ZNF443: variants seen among roughly 807,000 people sequenced by gnomAD.
The protein encoded by ZNF443 is zinc finger protein 443.
In ZNF443, 3 loss-of-function variants were observed where a neutral mutation model predicts 12.0. That is an observed-to-expected ratio of 0.25 (90% CI 0.11 to 0.64). ZNF443 has a LOEUF of 0.64. Among genes scored for constraint, ZNF443 ranks in the 30% least tolerant of loss-of-function variants. The pLI is 0.84. For missense variants in ZNF443, 770 were observed against 808.8 expected, an observed-to-expected ratio of 0.95 and a Z score of 0.58; for synonymous variants, 225 against 265.9, an observed-to-expected ratio of 0.85 and a Z score of 1.50.
chr19:12,440,517 C>A (rs895968631), intron 1 of ZNF443, among the ~76,000 whole-genome samples: 3 of 152,200 alleles, frequency 2.0e-5, no homozygotes, highest in Non-Finnish European at 4.4e-5. Context: ...CGTCCAGACC[C>A]CAAATCCCTC....
intron 1 of ZNF443, among the ~76,000 whole-genome samples, chr19:12,433,507 A>G (rs1357440123): frequency 6.6e-6 from 1 of 152,226 alleles, no homozygotes; most frequent in East Asian, 1.9e-4. Flanking sequence ...CCTTGGCACG[A>G]TAAAGTCCTA....
At chr19:12,435,841 A>G (rs1182137135) in intron 1 of ZNF443, among the ~76,000 whole-genome samples, 1 of 151,964 alleles carries the variant, frequency 6.6e-6, no homozygotes, top group Non-Finnish European at 1.5e-5. Flanking sequence ...ACATACTTTG[A>G]AAATGTTATT....
intron 1 of ZNF443, 50 bp downstream of exon 1, chr19:12,440,862 G>T (rs1303948396): frequency 1.2e-6 from 2 of 1,613,716 alleles, no homozygotes; most frequent in South Asian, 1.1e-5. Context: ...ATTACGGCCG[G>T]TTCCACCTAA....
chr19:12,430,571 C>A lies in ZNF443; in HGVS notation c.1601G>T (p.Cys534Phe), dbSNP rs1482603209. 3.7e-6 allele frequency: 6 copies of A among 1,613,882 alleles called. No individual in the cohort carries two copies. The highest frequency in any genetic ancestry group is 5.1e-6 in the Non-Finnish European group (6 of 1,179,988). Residue 534 changes from cysteine (C) to phenylalanine (F), a missense_variant, in exon 4 of 4, where the codon TGT becomes TTT. By Grantham distance (205) the Cys-to-Phe change is radical. Transcript: ENST00000301547. ...RTHTGEKPYE[C>F]KTCRKAFGHY... ...ACCGAAGGCTTTCCTACATGTTTTA[C>A]ACTCATAAGGTTTCTCTCCTGTGTG...
rs149800676 is a variant in ZNF443, at chr19:12,430,871, C to T, written c.1301G>A (p.Ser434Asn). ...KVCGKAFVYP[S>N]VFQRHERTHT... The stretch of plus-strand genomic sequence containing the variant: ...AGTCCTTTCATGTCTTTGAAATACA[C>T]TGGGATAAACAAAGGCTTTCCCACA... Residue 434 changes from serine (S) to asparagine (N), a missense_variant, in exon 4 of 4, where the codon AGT (serine) becomes AAT (asparagine). By Grantham distance (46) the Ser-to-Asn change is conservative (BLOSUM62 1). Coordinates refer to ENST00000301547, the MANE Select transcript of ZNF443 (RefSeq NM_005815.5). The T allele has an allele frequency of 4.2e-5, 68 of 1,614,106 alleles. No individual in the cohort carries two copies. The African/African-American group carries it at 8.1e-4, about 19-fold the overall frequency.
intron 1 of ZNF443, among the ~76,000 whole-genome samples, chr19:12,433,845 A>G (rs1970282513): frequency 1.3e-5 from 2 of 152,100 alleles, no homozygotes; most frequent in African/African-American, 4.8e-5. Flanking sequence ...GGCAGAAAAA[A>G]AAAAAAAAAG....
At position 12,439,409 on chromosome 19, in the gene ZNF443, T is replaced by C. The variant is rs1833790; in HGVS notation, c.3+1503A>G. Reference sequence around the variant, plus strand: ...CAGTTGCTCCCCAGGGGGCCACACCTTCCATCTCAGGCTGTCCCCTGGGAG... The same window carrying C: ...CAGTTGCTCCCCAGGGGGCCACACCCTCCATCTCAGGCTGTCCCCTGGGAG... On this transcript the variant is annotated intron_variant, in intron 1 of 3. Transcript: ENST00000301547. 1.2e-4 allele frequency among the ~76,000 whole-genome samples: 19 copies of C among 152,256 alleles called. No individual in the cohort carries two copies. The South Asian group carries it at 1.5e-3, about 12-fold the overall frequency.
chr19:12,437,461 T>C (rs1430097654), intron 1 of ZNF443, among the ~76,000 whole-genome samples: 1 of 149,750 alleles, frequency 6.7e-6, no homozygotes, highest in Non-Finnish European at 1.5e-5. Context: ...ACTATACTAT[T>C]AGAAGAAAAC....
chr19:12,437,905 A>T (rs2144958448), intron 1 of ZNF443, among the ~76,000 whole-genome samples: 1 of 151,748 alleles, frequency 6.6e-6, no homozygotes, highest in South Asian at 2.1e-4. Context: ...CAGCCTGGCC[A>T]ATATGGTGAA....
At chr19:12,436,392 A>G (rs1172346181) in intron 1 of ZNF443, among the ~76,000 whole-genome samples, 1 of 150,678 alleles carries the variant, frequency 6.6e-6, no homozygotes, top group Non-Finnish European at 1.5e-5. Flanking sequence ...AGGCAGAAGA[A>G]TCGCTTGAAC....
intron 1 of ZNF443, among the ~76,000 whole-genome samples, chr19:12,434,996 G>A (rs9653146): frequency 3.1e-4 from 43 of 139,582 alleles, no homozygotes; most frequent in African/African-American, 1.1e-3. Context: ...CTCTGTCACC[G>A]AGACTGGAGT....
chr19:12,436,693 T>C (rs978027085), intron 1 of ZNF443, among the ~76,000 whole-genome samples: 2 of 151,686 alleles, frequency 1.3e-5, no homozygotes, highest in Admixed American at 6.6e-5. Flanking sequence ...TTGCCAATAA[T>C]GTTAAAAGAA....
At chr19:12,436,771 ACACAC>A (rs780973820) in intron 1 of ZNF443, among the ~76,000 whole-genome samples, 42,582 of 151,622 alleles carry the variant, frequency 0.28, 6,437 homozygotes, top group African/African-American at 0.39. Context: ...ACACACACAC[ACACAC>A]ACACACAAAT....
At chr19:12,436,537 C>T (rs1054579575) in intron 1 of ZNF443, among the ~76,000 whole-genome samples, 1 of 151,206 alleles carries the variant, frequency 6.6e-6, no homozygotes, top group African/African-American at 2.4e-5. Flanking sequence ...CAAGGTACAA[C>T]TAAAATGAAG....
intron 1 of ZNF443, among the ~76,000 whole-genome samples, chr19:12,434,310 C>T (rs1342649676): frequency 6.6e-6 from 1 of 152,126 alleles, no homozygotes; most frequent in African/African-American, 2.4e-5. Context: ...TGTGATTATA[C>T]TTACAGAGAA....
chr19:12,430,684 T>C lies in ZNF443; in HGVS notation c.1488A>G (p.Thr496=). Residue 496 remains threonine, a synonymous_variant, in exon 4 of 4, where the codon ACA becomes ACG. Transcript: ENST00000301547. ...IDFCSFQNHK[T]THTGEKPYEC... is the part of the protein sequence containing the mutation. ...CATATGGCTTCTCTCCAGTGTGAGT[T>C]GTTTTGTGATTTTGAAAGGAACAGA... 1 of 1,613,418 alleles carries C rather than the reference T, an allele frequency of 6.2e-7. No individual in the cohort carries two copies. The highest frequency in any genetic ancestry group is 8.5e-7 in the Non-Finnish European group (1 of 1,179,468).
Position 12,431,735 on chromosome 19 carries a change from C to T in ZNF443, c.437G>A (p.Arg146His), listed in dbSNP as rs752736572. Residue 146 changes from arginine (R) to histidine (H), a missense_variant, in exon 4 of 4, where the codon CGT becomes CAT. Physicochemically the swap from Arg to His is conservative, Grantham distance 29. Transcript: ENST00000301547. ...GTTGTGGTAACTGAAGGCTTTCCCA[C>T]GTTGTTTATGCGTATCTGGCTTCTC... ...CGEKPDTHKQ[R>H]GKAFSYHNSF... The T allele has an allele frequency of 1.4e-5, 23 of 1,614,040 alleles. No individual in the cohort carries two copies. The highest frequency in any genetic ancestry group is 8.3e-5 in the Admixed American group (5 of 60,004).
chr19:12,437,330 C>CCTGG (rs751717082), intron 1 of ZNF443, among the ~76,000 whole-genome samples: 4 of 151,304 alleles, frequency 2.6e-5, no homozygotes, highest in Non-Finnish European at 5.9e-5. Flanking sequence ...ATCTCCTGAG[C>CCTGG]CCAGGAGTTG....
At chr19:12,440,767 G>A (rs1032668898) in intron 1 of ZNF443, 145 bp downstream of exon 1, 16 of 1,382,948 alleles carry the variant, frequency 1.2e-5, no homozygotes, top group Non-Finnish European at 1.5e-5. Flanking sequence ...CCCACCCTGC[G>A]GCCGAGGGCC....
Sources: gnomAD v4.1 joint callset for allele counts (sites outside exome capture counted in the v4.1 genomes callset) on GRCh38, gnomAD v4.1.1 for gene constraint, MANE v1.5 for transcripts, NCBI Gene and HGNC (gene_info 2026-07-23, HGNC 2026-07-21) for gene names.